Variants in HMG20A observed in about 807,000 individuals in gnomAD.
HMG20A encodes high mobility group protein 20A.
A neutral mutation model predicts 43.9 loss-of-function variants in HMG20A; 17 were observed. The observed-to-expected ratio is 0.39, with a 90% CI of 0.27 to 0.58. The LOEUF (loss-of-function observed/expected upper bound fraction) is 0.58, where lower values mean the gene tolerates loss of function less well. Among genes scored for constraint, HMG20A ranks in the 20% least tolerant of loss-of-function variants. The probability of loss-of-function intolerance (pLI) is 0.59; values close to 1 mark genes in which losing one functional copy is unlikely to be tolerated. For synonymous variants in HMG20A, 132 were observed against 147.5 expected (o/e 0.89, Z 0.76); for missense variants, 341 against 438.2 (o/e 0.78, Z 1.98).
intron 2 of HMG20A, among the ~76,000 whole-genome samples, chr15:77,460,054 A>G (rs1312713189): frequency 6.6e-6 from 1 of 152,184 alleles, no homozygotes; most frequent in Admixed American, 6.5e-5. Context: ...TGACTGTTGT[A>G]TTGAGAATAG....
At chr15:77,451,841 T>C (rs2072606257) in intron 1 of HMG20A, among the ~76,000 whole-genome samples, 1 of 152,218 alleles carries the variant, frequency 6.6e-6, no homozygotes, top group Admixed American at 6.5e-5. Context: ...GCAAAATTGA[T>C]GTTAAAGATT....
chr15:77,430,981 A>G (rs1176868535), intron 1 of HMG20A, among the ~76,000 whole-genome samples: 3 of 152,292 alleles, frequency 2.0e-5, no homozygotes, highest in South Asian at 4.1e-4. Flanking sequence ...GGATTTGAAA[A>G]GTGCAAGAAA....
chr15:77,439,753 A>T (rs2073591155), intron 1 of HMG20A, among the ~76,000 whole-genome samples: 1 of 152,116 alleles, frequency 6.6e-6, no homozygotes, highest in Non-Finnish European at 1.5e-5. Flanking sequence ...TATTACTAGG[A>T]ATGGAGTTGC....
chr15:77,421,730 A>G (rs927503238), intron 1 of HMG20A, among the ~76,000 whole-genome samples: 1 of 152,248 alleles, frequency 6.6e-6, no homozygotes, highest in African/African-American at 2.4e-5. Flanking sequence ...AACTGATAAA[A>G]TTGACATCTT....
At chr15:77,436,858 A>G (rs1181642519) in intron 1 of HMG20A, among the ~76,000 whole-genome samples, 1 of 152,172 alleles carries the variant, frequency 6.6e-6, no homozygotes, top group East Asian at 1.9e-4. Context: ...ATTTCTCCTT[A>G]AAATTCCTCA....
intron 1 of HMG20A, among the ~76,000 whole-genome samples, chr15:77,444,724 T>C (rs558725163): frequency 6.6e-6 from 1 of 152,200 alleles, no homozygotes; most frequent in Non-Finnish European, 1.5e-5. Context: ...GTGAATTCTA[T>C]GGCTATGTGT....
downstream of HMG20A, among the ~76,000 whole-genome samples, chr15:77,487,007 T>A (rs8031202): frequency 0.1 from 15,525 of 152,198 alleles, 865 homozygotes; most frequent in African/African-American, 0.11. Flanking sequence ...TCCTGTCTGT[T>A]CCACAACATG....
chr15:77,476,750 T>C (rs926885282), intron 6 of HMG20A, among the ~76,000 whole-genome samples: 4 of 152,174 alleles, frequency 2.6e-5, no homozygotes, highest in African/African-American at 4.8e-5. Context: ...GCTTTCAACT[T>C]CAAATTCATT....
rs748089340 is a variant in HMG20A, at chr15:77,458,471, G to A, written c.64G>A (p.Glu22Lys). 8.7e-6 allele frequency: 14 copies of A among 1,613,130 alleles called. No homozygotes were observed. In the South Asian group the frequency reaches 1.5e-4, roughly 18 times the overall value. Residue 22 changes from glutamate (E) to lysine (K), a missense_variant, in exon 2 of 10, where the codon GAG (glutamate) becomes AAG (lysine). Physicochemically the swap from Glu to Lys is moderately conservative, Grantham distance 56 (BLOSUM62 1). Coordinates refer to ENST00000336216, the MANE Select transcript of HMG20A (RefSeq NM_001304504.2). ...TTTTGCAGATGAAGACGGTTCCAAG[G>A]AGAGTAATGATCTGGCTACCACTGG... ...PLFADEDGSK[E>K]SNDLATTGLN...
the HMG20A span, among the ~76,000 whole-genome samples, chr15:77,490,818 A>G: frequency 1.3e-5 from 2 of 152,244 alleles, no homozygotes; most frequent in Non-Finnish European, 2.9e-5. Flanking sequence ...CCAACAACAG[A>G]TGAGCCCCTG....
At chr15:77,455,593 C>A (rs767760493) in intron 1 of HMG20A, among the ~76,000 whole-genome samples, 63 of 152,206 alleles carry the variant, frequency 4.1e-4, no homozygotes, top group Non-Finnish European at 7.5e-4. Context: ...GTAACATCTG[C>A]ATGATAGACC....
At chr15:77,496,891 G>A in the HMG20A span, among the ~76,000 whole-genome samples, 2 of 152,244 alleles carry the variant, frequency 1.3e-5, no homozygotes, top group Admixed American at 1.3e-4. Context: ...CAATTCATCC[G>A]ACACAGACAG....
the HMG20A span, among the ~76,000 whole-genome samples, chr15:77,493,732 G>A: frequency 6.6e-6 from 1 of 152,140 alleles, no homozygotes; most frequent in Non-Finnish European, 1.5e-5. Context: ...GATGAGTGAC[G>A]GATGAGAGGG....
intron 1 of HMG20A, among the ~76,000 whole-genome samples, chr15:77,445,010 C>A (rs2073657030): frequency 6.6e-6 from 1 of 151,288 alleles, no homozygotes; most frequent in Non-Finnish European, 1.5e-5. Flanking sequence ...TTTAGGAAAT[C>A]TTCCTAGGAA....
At position 77,462,355 on chromosome 15, in the gene HMG20A, A is replaced by G. The variant is rs2072712328; in HGVS notation, c.90-1885A>G. Among the ~76,000 whole-genome samples the G allele has an allele frequency of 5.9e-5, 9 of 151,906 alleles. No homozygotes were observed. The South Asian group carries it at 1.5e-3, about 25-fold the overall frequency. On this transcript the variant is annotated intron_variant, in intron 2 of 9. Transcript: ENST00000336216. ...CTCAGTCTCCTTTCCTAGTTTTTCT[A>G]CCTTGCTCATACAATGATATTGCTT...
At chr15:77,481,415 T>C (rs907678513) in intron 9 of HMG20A, among the ~76,000 whole-genome samples, 17 of 152,234 alleles carry the variant, frequency 1.1e-4, no homozygotes, top group Non-Finnish European at 1.9e-4. Flanking sequence ...ATTAGCACTC[T>C]TGTAGGCTTG....
intron 1 of HMG20A, among the ~76,000 whole-genome samples, chr15:77,439,687 A>G (rs1194120280): frequency 6.6e-6 from 1 of 152,220 alleles, no homozygotes; most frequent in African/African-American, 2.4e-5. Context: ...AAAAGCTGCT[A>G]TGAACATTCG....
rs931161652 is a variant in HMG20A, at chr15:77,485,157, C to A, written c.*2194C>A. On this transcript the variant is annotated 3_prime_UTR_variant, in exon 10 of 10. Coordinates refer to ENST00000336216, the MANE Select transcript of HMG20A (RefSeq NM_001304504.2). ...TGCTGTCTTTCCCAGTAGCTACTCACCTGCCTCTGGTGGCTGGGATTCAGA... is the reference window on the plus strand; with the variant it reads ...TGCTGTCTTTCCCAGTAGCTACTCAACTGCCTCTGGTGGCTGGGATTCAGA... 1 of 152,574 alleles carries A rather than the reference C, an allele frequency of 6.6e-6. No individual in the cohort carries two copies. The highest frequency in any genetic ancestry group is 6.5e-5 in the Admixed American group (1 of 15,278). 9.5% of individuals were successfully genotyped at this position (152,574 alleles called of 1,614,324 possible). A position where few individuals can be genotyped will look rare whatever the true frequency, so the allele number is the denominator to read the frequency against.
the HMG20A span, among the ~76,000 whole-genome samples, chr15:77,511,002 A>G: frequency 6.6e-6 from 1 of 152,222 alleles, no homozygotes; most frequent in Non-Finnish European, 1.5e-5. Flanking sequence ...ACTTCGTGAA[A>G]GCAGCAGAAG....
Sources: allele counts gnomAD v4.1 joint callset (sites outside exome capture counted in the v4.1 genomes callset), GRCh38; gene constraint gnomAD v4.1.1; transcripts MANE v1.5; gene names NCBI Gene and HGNC (gene_info 2026-07-23, HGNC 2026-07-21).